The following ZDHHC13 variants were observed in gnomAD, a reference collection of about 807,000 sequenced individuals.
The protein encoded by ZDHHC13 is zDHHC palmitoyltransferase 13, also known as palmitoyltransferase ZDHHC13.
In ZDHHC13, 85 loss-of-function variants were observed where a neutral mutation model predicts 86.0. The ratio of observed to expected loss-of-function variants is 0.99; its 90% confidence interval spans 0.83 to 1.18. The LOEUF (loss-of-function observed/expected upper bound fraction) is 1.18, where lower values mean the gene tolerates loss of function less well. ZDHHC13 is among the 50% of genes most tolerant of loss of function. ZDHHC13 has a pLI of 0.00. For synonymous variants in ZDHHC13, 263 were observed against 246.4 expected (o/e 1.07, Z -0.63); for missense variants, 711 against 730.2 (o/e 0.97, Z 0.30).
intron 1 of ZDHHC13, among the ~76,000 whole-genome samples, chr11:19,124,964 T>C (rs1035247973): frequency 6.6e-6 from 1 of 152,064 alleles, no homozygotes; most frequent in Non-Finnish European, 1.5e-5. Flanking sequence ...AGAAGCTATC[T>C]AGTTAAAGCT....
At chr11:19,150,414 G>A (rs1849577206) in intron 5 of ZDHHC13, among the ~76,000 whole-genome samples, 1 of 152,046 alleles carries the variant, frequency 6.6e-6, no homozygotes. Context: ...TCAACTAGGT[G>A]ACTTTTAAGG....
In ZDHHC13 at chr11:19,117,215, C is replaced by T. The variant is rs774142558; in HGVS notation, c.-35C>T. 1 of 1,530,070 alleles carries T rather than the reference C, an allele frequency of 6.5e-7. No homozygotes were observed. Among genetic ancestry groups the T allele is most frequent in the Non-Finnish European group, 8.8e-7 (1 of 1,141,514 alleles). 94.8% of individuals were successfully genotyped at this position (1,530,070 alleles called of 1,614,324 possible). A position where few individuals can be genotyped will look rare whatever the true frequency, so the allele number is the denominator to read the frequency against. ...GCGGGCTGGCGGCAGTCGCTACTTG[C>T]CTAGTAGCCTCAGCCGCTGTGGGCT... On this transcript the variant is annotated 5_prime_UTR_variant, in exon 1 of 17. Coordinates refer to ENST00000446113, the MANE Select transcript of ZDHHC13 (RefSeq NM_019028.3). This position sits in a 1 kb window ranked among gnomAD's most constrained non-coding sequence, Gnocchi z 4.2.
At chr11:19,148,669 C>G (rs913612298) in intron 4 of ZDHHC13, 1 of 152,320 alleles carries the variant, frequency 6.6e-6, no homozygotes, top group Admixed American at 6.5e-5. Flanking sequence ...CACTTGCACT[C>G]AAGAATGATT....
intron 1 of ZDHHC13, among the ~76,000 whole-genome samples, chr11:19,132,288 G>T (rs1347329753): frequency 6.6e-6 from 1 of 152,174 alleles, no homozygotes; most frequent in African/African-American, 2.4e-5. Context: ...CTTCTCTAGA[G>T]TGGTTCTGGT....
At chr11:19,161,603 CA>C (rs1849913271) in intron 10 of ZDHHC13, among the ~76,000 whole-genome samples, 1 of 151,602 alleles carries the variant, frequency 6.6e-6, no homozygotes, top group Non-Finnish European at 1.5e-5. Context: ...GGATTGAATA[CA>C]ATAAAATGGA....
rs549267714 is a variant in ZDHHC13, at chr11:19,157,696, G to A, written c.1008-1244G>A. On this transcript the variant is annotated intron_variant, in intron 9 of 16. Transcript: ENST00000446113. The stretch of plus-strand genomic sequence containing the variant: ...CTCCTTTTTCAGAGAGGAAGCAAGG[G>A]CTGGTAATATCTACTCCCCTAGGAT... Among the ~76,000 whole-genome samples the A allele has an allele frequency of 2.4e-4, 37 of 152,308 alleles. 1 individual carries two copies. In the South Asian group the frequency reaches 6.8e-3, roughly 28 times the overall value.
Position 19,146,256 on chromosome 11 carries a change from G to T in ZDHHC13, c.249G>T (p.Val83=), listed in dbSNP as rs1426609393. The T allele has an allele frequency of 6.2e-7, 1 of 1,613,144 alleles. No homozygotes were observed. The highest frequency in any genetic ancestry group is 8.5e-7 in the Non-Finnish European group (1 of 1,179,524). ...TCAGGCAACCAGATAAAGAAAATGTGTCGCTTCTTCATTGGGCTGCTATTA... is the reference window on the plus strand; with the variant it reads ...TCAGGCAACCAGATAAAGAAAATGTTTCGCTTCTTCATTGGGCTGCTATTA... ...YDVRQPDKEN[V]SLLHWAAINN... Residue 83 remains valine (V), a synonymous_variant, in exon 3 of 17, where the codon GTG becomes GTT. Transcript: ENST00000446113.
At chr11:19,147,731 T>TA (rs988500603) in intron 4 of ZDHHC13, 58 bp downstream of exon 4, 2 of 1,244,376 alleles carry the variant, frequency 1.6e-6, no homozygotes, top group Non-Finnish European at 2.2e-6. Flanking sequence ...GGTCACCATA[T>TA]AAAAAATCAG....
Position 19,122,674 on chromosome 11 carries a change from T to C in ZDHHC13, c.27+5398T>C, listed in dbSNP as rs189429070. 5.3e-5 allele frequency among the ~76,000 whole-genome samples: 8 copies of C among 152,254 alleles called. No homozygotes were observed. The East Asian group carries it at 1.5e-3, about 29-fold the overall frequency. The stretch of plus-strand genomic sequence containing the variant: ...AAATGAGACTGCCATCGTTAAAAAT[T>C]AGTAAAGCTTTCCTGCCAGCAGAGG... On this transcript the variant is annotated intron_variant, in intron 1 of 16. Coordinates refer to ENST00000446113, the MANE Select transcript of ZDHHC13 (RefSeq NM_019028.3).
chr11:19,147,503 A>G, intron 3 of ZDHHC13, 93 bp from the exon 4 acceptor site: 2 of 1,095,106 alleles, frequency 1.8e-6, no homozygotes, highest in South Asian at 1.6e-5. Flanking sequence ...TTGTTCTCCA[A>G]CATATTTATT....
At chr11:19,135,743 C>A (rs1420566362) in intron 1 of ZDHHC13, among the ~76,000 whole-genome samples, 1 of 152,240 alleles carries the variant, frequency 6.6e-6, no homozygotes, top group East Asian at 1.9e-4. Context: ...GGCAGACTGC[C>A]TCCTCAAGTG....
intron 2 of ZDHHC13, among the ~76,000 whole-genome samples, chr11:19,145,585 A>C (rs1362624311): frequency 6.6e-6 from 1 of 152,162 alleles, no homozygotes; most frequent in African/African-American, 2.4e-5. Context: ...TAGCAATGTT[A>C]AATTGCTTTT....
chr11:19,174,052 G>C (rs888188901), intron 16 of ZDHHC13, among the ~76,000 whole-genome samples: 10 of 152,150 alleles, frequency 6.6e-5, no homozygotes, highest in Non-Finnish European at 1.5e-4. Flanking sequence ...TTCTCCATGA[G>C]GGATATGTTC....
chr11:19,139,883 T>C (rs1407710306), intron 1 of ZDHHC13, among the ~76,000 whole-genome samples: 1 of 128,632 alleles, frequency 7.8e-6, no homozygotes, highest in African/African-American at 3.0e-5. Flanking sequence ...TGAAACTGGA[T>C]CCCTTCCTTA....
chr11:19,170,692 C>T, intron 15 of ZDHHC13, 124 bp downstream of exon 15: 1 of 940,534 alleles, frequency 1.1e-6, no homozygotes. Context: ...CTCTGTGGGT[C>T]TAGCCATGTC....
chr11:19,125,882 CAG>C lies in ZDHHC13; in HGVS notation c.27+8608_27+8609del, dbSNP rs141112496. 4.4e-3 allele frequency among the ~76,000 whole-genome samples: 676 copies of C among 152,206 alleles called. 5 individuals carry two copies. The highest frequency in any genetic ancestry group is 0.013 in the African/African-American group (553 of 41,514). On this transcript the variant is annotated intron_variant, in intron 1 of 16. Coordinates refer to ENST00000446113, the MANE Select transcript of ZDHHC13 (RefSeq NM_019028.3). ...CCATTATATGACATTCTGGGAAAGA[CAG>C]AATTAATGACAACAGATCAGTGGTT... is the stretch of plus-strand genomic sequence containing the variant.
intron 15 of ZDHHC13, 104 bp downstream of exon 15, chr11:19,170,672 C>A: frequency 9.1e-7 from 1 of 1,093,396 alleles, no homozygotes; most frequent in Non-Finnish European, 1.3e-6. Flanking sequence ...GTTTTTACCT[C>A]TGTCACTGAC....
intron 9 of ZDHHC13, 109 bp downstream of exon 9, chr11:19,156,038 CTT>C: frequency 7.5e-7 from 1 of 1,338,598 alleles, no homozygotes; most frequent in Non-Finnish European, 9.9e-7. Context: ...GTAAATATTA[CTT>C]ACCATATAAC....
chr11:19,168,898 A>G (rs1850143551), intron 14 of ZDHHC13: 2 of 985,258 alleles, frequency 2.0e-6, no homozygotes, highest in African/African-American at 3.5e-5. Context: ...GAAAGATTGT[A>G]GATTACCATC....
Sources: gnomAD v4.1 joint callset for allele counts (sites outside exome capture counted in the v4.1 genomes callset) on GRCh38, gnomAD v4.1.1 for gene constraint, Gnocchi (gnomAD v3.1) non-coding constraint, MANE v1.5 for transcripts, NCBI Gene and HGNC (gene_info 2026-07-23, HGNC 2026-07-21) for gene names.